Variants in CNTNAP5 observed in about 807,000 individuals in gnomAD.
CNTNAP5 encodes the protein contactin associated protein family member 5.
Under a neutral mutation model 150.2 loss-of-function variants are expected in CNTNAP5, and 72 were observed. That is an observed-to-expected ratio of 0.48 (90% confidence interval 0.40 to 0.58). The LOEUF (loss-of-function observed/expected upper bound fraction) is 0.58, where lower values mean the gene tolerates loss of function less well. Ranked by LOEUF, CNTNAP5 falls within the 20% of genes least tolerant of loss-of-function variation. The pLI is 0.00. For missense variants in CNTNAP5, 1,636 were observed against 1,626.2 expected (o/e 1.01, Z -0.10); for synonymous variants, 672 against 619.8 (o/e 1.08, Z -1.25).
At chr2:124,409,907 G>T (rs934427399) in intron 3 of CNTNAP5, among the ~76,000 whole-genome samples, 2 of 151,106 alleles carry the variant, frequency 1.3e-5, no homozygotes, top group Non-Finnish European at 3.0e-5. Context: ...TGGACTAAAT[G>T]CTCCAATTAA....
intron 12 of CNTNAP5, among the ~76,000 whole-genome samples, chr2:124,632,904 A>T (rs560359194): frequency 6.6e-6 from 1 of 152,004 alleles, no homozygotes; most frequent in African/African-American, 2.4e-5. Flanking sequence ...AAGCTGGGGG[A>T]AGAGAGGCAG....
chr2:124,890,535 C>T (rs1019265168), intron 21 of CNTNAP5, among the ~76,000 whole-genome samples: 14 of 152,134 alleles, frequency 9.2e-5, no homozygotes, highest in African/African-American at 3.4e-4. Flanking sequence ...AAACTACTTG[C>T]ACTCTAATGC....
intron 3 of CNTNAP5, among the ~76,000 whole-genome samples, chr2:124,395,405 C>A (rs1263131955): frequency 6.6e-6 from 1 of 152,044 alleles, no homozygotes; most frequent in Non-Finnish European, 1.5e-5. Context: ...TCCTCATTTC[C>A]AAAATGCCCA....
At chr2:124,246,479 T>C (rs1246639455) in intron 3 of CNTNAP5, among the ~76,000 whole-genome samples, 1 of 152,116 alleles carries the variant, frequency 6.6e-6, no homozygotes, top group African/African-American at 2.4e-5. Flanking sequence ...CCAAAACCTC[T>C]TCCTGATTGG....
chr2:124,183,324 T>C (rs1168270838), intron 1 of CNTNAP5, among the ~76,000 whole-genome samples: 3 of 152,224 alleles, frequency 2.0e-5, no homozygotes, highest in Non-Finnish European at 4.4e-5. Flanking sequence ...AAGGGAATGT[T>C]CTCTACTAAT....
At position 124,628,167 on chromosome 2, in the gene CNTNAP5, C is replaced by T. The variant is rs373010318; in HGVS notation, c.1876+18247C>T. Among the ~76,000 whole-genome samples, 24 of 152,226 alleles carry T rather than the reference C, an allele frequency of 1.6e-4. 1 individual carries two copies. The South Asian group carries it at 3.5e-3, about 22-fold the overall frequency. Reference sequence around the variant, plus strand: ...TCAGTGTATCATCCGGGAGGACTTCCCCAACCTAGAAAGACAAGCCAATAT... The same window carrying T: ...TCAGTGTATCATCCGGGAGGACTTCTCCAACCTAGAAAGACAAGCCAATAT... On this transcript the variant is annotated intron_variant, in intron 12 of 23. Transcript: ENST00000682447.
intron 21 of CNTNAP5, among the ~76,000 whole-genome samples, chr2:124,877,720 G>T (rs898083101): frequency 6.6e-6 from 1 of 152,000 alleles, no homozygotes; most frequent in Non-Finnish European, 1.5e-5. Context: ...GTTTTTCAAG[G>T]TTTTGAAGTA....
chr2:124,489,929 C>T (rs1693978136), intron 7 of CNTNAP5, among the ~76,000 whole-genome samples: 1 of 152,114 alleles, frequency 6.6e-6, no homozygotes, highest in South Asian at 2.1e-4. Context: ...GACTTAGTCA[C>T]CTGAAAATAC....
chr2:124,611,191 T>C (rs1677377116), intron 12 of CNTNAP5, among the ~76,000 whole-genome samples: 1 of 152,190 alleles, frequency 6.6e-6, no homozygotes. Flanking sequence ...AGGCAGACAC[T>C]GTTTTAGATA....
chr2:124,359,470 C>T (rs1690133413), intron 3 of CNTNAP5, among the ~76,000 whole-genome samples: 1 of 151,826 alleles, frequency 6.6e-6, no homozygotes, highest in African/African-American at 2.4e-5. Flanking sequence ...CTACACACGG[C>T]TTTGAATGCG....
chr2:124,563,097 G>T (rs1695931997), intron 10 of CNTNAP5, 120 bp from the exon 11 acceptor site: 2 of 659,642 alleles, frequency 3.0e-6, no homozygotes, highest in Non-Finnish European at 5.5e-6. Flanking sequence ...TTAGGTATGG[G>T]AGTATAGCAA....
chr2:124,581,344 A>G (rs1479613821), intron 11 of CNTNAP5, among the ~76,000 whole-genome samples: 2 of 152,198 alleles, frequency 1.3e-5, no homozygotes, highest in Non-Finnish European at 2.9e-5. Context: ...TGCCTTTGTA[A>G]TAGTCTCTAG....
At chr2:124,481,216 G>T (rs933196997) in intron 7 of CNTNAP5, among the ~76,000 whole-genome samples, 2 of 152,112 alleles carry the variant, frequency 1.3e-5, no homozygotes, top group Admixed American at 1.3e-4. Context: ...GGGCTATTTT[G>T]CAGCCATTAA....
intron 14 of CNTNAP5, among the ~76,000 whole-genome samples, chr2:124,760,406 G>A (rs1274574519): frequency 2.6e-5 from 4 of 151,976 alleles, no homozygotes; most frequent in Non-Finnish European, 5.9e-5. Flanking sequence ...ACCAAAATTC[G>A]TTGATGAAAA....
intron 10 of CNTNAP5, among the ~76,000 whole-genome samples, chr2:124,557,001 CT>C (rs1171476717): frequency 6.6e-6 from 1 of 151,170 alleles, no homozygotes; most frequent in Admixed American, 6.6e-5. Flanking sequence ...ATTCTCCTGC[CT>C]TCCCCCCCGC....
intron 13 of CNTNAP5, among the ~76,000 whole-genome samples, chr2:124,728,324 C>A (rs1680203048): frequency 6.6e-6 from 1 of 152,152 alleles, no homozygotes; most frequent in East Asian, 1.9e-4. Flanking sequence ...GCTCCTTGCT[C>A]TTCAATTTAC....
At chr2:124,111,463 C>T (rs143893375) in intron 1 of CNTNAP5, among the ~76,000 whole-genome samples, 188 of 152,202 alleles carry the variant, frequency 1.2e-3, no homozygotes, top group African/African-American at 4.2e-3. Flanking sequence ...TAATATCACT[C>T]GTACACTGAT....
intron 3 of CNTNAP5, among the ~76,000 whole-genome samples, chr2:124,380,217 T>A (rs757233758): frequency 6.6e-6 from 1 of 152,132 alleles, no homozygotes; most frequent in African/African-American, 2.4e-5. Context: ...AGAACCGCAT[T>A]TTGTACACCA....
chr2:124,489,119 G>C (rs1693960213), intron 7 of CNTNAP5, among the ~76,000 whole-genome samples: 1 of 152,170 alleles, frequency 6.6e-6, no homozygotes. Context: ...ATGTCCTCTG[G>C]ATAATGTCTA....
Sources: gnomAD v4.1 joint callset for allele counts (sites outside exome capture counted in the v4.1 genomes callset) on GRCh38, gnomAD v4.1.1 for gene constraint, MANE v1.5 for transcripts, NCBI Gene and HGNC (gene_info 2026-07-23, HGNC 2026-07-21) for gene names.